The following INTS4 variants were observed in gnomAD, a reference collection of about 807,000 sequenced individuals.
The protein encoded by INTS4 is integrator complex subunit 4.
A neutral mutation model predicts 119.5 loss-of-function variants in INTS4; 70 were observed. The ratio of observed to expected loss-of-function variants is 0.59; its 90% CI spans 0.48 to 0.71. The LOEUF (loss-of-function observed/expected upper bound fraction) is 0.71. INTS4 is among the 30% of genes least tolerant of loss of function. The pLI is 0.00. For synonymous variants in INTS4, 316 were observed against 419.6 expected (o/e 0.75, Z 3.02); for missense variants, 867 against 1,173.2 (o/e 0.74, Z 3.81).
Position 77,881,048 on chromosome 11 carries a change from A to C in INTS4, c.2714-1921T>G, listed in dbSNP as rs760986399. 9.1e-4 allele frequency among the ~76,000 whole-genome samples: 138 copies of C among 152,334 alleles called. 1 individual carries two copies. The highest frequency in any genetic ancestry group is 1.7e-3 in the Non-Finnish European group (118 of 68,030). ...CATTCCCTTACCAACATTTGATAAG[A>C]ATGGCAATTCAAGGCAATGCCATAG... On this transcript the variant is annotated intron_variant, in intron 22 of 22. Coordinates refer to ENST00000534064, the MANE Select transcript of INTS4 (RefSeq NM_033547.4).
At chr11:77,958,662 T>G in intron 7 of INTS4, 84 bp downstream of exon 7, 1 of 784,232 alleles carries the variant, frequency 1.3e-6, no homozygotes, top group Non-Finnish European at 2.2e-6. Context: ...CAACATTTCT[T>G]TTCTAGAAGT....
intron 18 of INTS4, among the ~76,000 whole-genome samples, chr11:77,895,415 T>C (rs989011933): frequency 6.0e-5 from 9 of 150,638 alleles, no homozygotes; most frequent in Non-Finnish European, 1.2e-4. Flanking sequence ...ATATATTTCC[T>C]AGCACAGGCA....
intron 2 of INTS4, among the ~76,000 whole-genome samples, chr11:77,983,345 G>A (rs1856317425): frequency 6.6e-6 from 1 of 152,056 alleles, no homozygotes; most frequent in African/African-American, 2.4e-5. Context: ...GAACTCCTGG[G>A]CTCCTGCCTA....
intron 13 of INTS4, among the ~76,000 whole-genome samples, chr11:77,922,100 C>T (rs1307390160): frequency 1.3e-5 from 2 of 151,558 alleles, no homozygotes; most frequent in Non-Finnish European, 2.9e-5. Context: ...TGGTAGCGGG[C>T]GCCTATAATC....
At chr11:77,929,330 T>C (rs143870954) in intron 10 of INTS4, among the ~76,000 whole-genome samples, 2,290 of 152,256 alleles carry the variant, frequency 0.015, 55 homozygotes, top group African/African-American at 0.051. Context: ...CAGTTTCACA[T>C]ACCACCCACC....
intron 12 of INTS4, among the ~76,000 whole-genome samples, chr11:77,923,723 A>G (rs1350064484): frequency 6.6e-6 from 1 of 151,992 alleles, no homozygotes; most frequent in Non-Finnish European, 1.5e-5. Context: ...ACTATAAGGA[A>G]CTATAAAAGC....
At chr11:77,876,793 T>C (rs1018583114), downstream of INTS4, among the ~76,000 whole-genome samples, 2 of 152,226 alleles carry the variant, frequency 1.3e-5, no homozygotes, top group Non-Finnish European at 2.9e-5. Context: ...TCAAAGCCTC[T>C]GTTTCCTTAC....
chr11:77,898,181 T>C (rs1952613654), intron 18 of INTS4, among the ~76,000 whole-genome samples: 1 of 152,166 alleles, frequency 6.6e-6, no homozygotes, highest in Admixed American at 6.5e-5. Context: ...TATTATTATT[T>C]GAGACAGAGT....
chr11:77,895,976 C>T lies in INTS4; in HGVS notation c.2229-1627G>A, dbSNP rs1952500789. 2.6e-5 allele frequency among the ~76,000 whole-genome samples: 4 copies of T among 152,148 alleles called. 1 individual carries two copies. In the South Asian group the frequency reaches 8.3e-4, roughly 32 times the overall value. On this transcript the variant is annotated intron_variant, in intron 18 of 22. Transcript: ENST00000534064. Reference sequence around the variant, plus strand: ...AATTACCAATTTAAACTAGTCTAGACTTTCATTGTAAGTAGGCAAAGACAA... The same window carrying T: ...AATTACCAATTTAAACTAGTCTAGATTTTCATTGTAAGTAGGCAAAGACAA...
At position 77,932,751 on chromosome 11, in the gene INTS4, T is replaced by C. The variant is rs1282397022; in HGVS notation, c.1166-4204A>G. Among the ~76,000 whole-genome samples, 4 of 152,102 alleles carry C rather than the reference T, an allele frequency of 2.6e-5. No individual in the cohort carries two copies. In the East Asian group the frequency reaches 5.8e-4, roughly 22 times the overall value. On this transcript the variant is annotated intron_variant, in intron 10 of 22. Coordinates refer to ENST00000534064, the MANE Select transcript of INTS4 (RefSeq NM_033547.4). Reference sequence around the variant, plus strand: ...CTGGATAAAGAAAATGTGGCACATATACACCATGGAATACCACGCAGCCAT... The same window carrying C: ...CTGGATAAAGAAAATGTGGCACATACACACCATGGAATACCACGCAGCCAT...
intron 18 of INTS4, among the ~76,000 whole-genome samples, chr11:77,897,785 G>A (rs1303759678): frequency 6.6e-6 from 1 of 151,582 alleles, no homozygotes; most frequent in African/African-American, 2.4e-5. Flanking sequence ...GGTTACAGGC[G>A]TTAGCCACCG....
At chr11:77,953,759 T>G (rs1954251989) in intron 8 of INTS4, among the ~76,000 whole-genome samples, 1 of 152,130 alleles carries the variant, frequency 6.6e-6, no homozygotes, top group African/African-American at 2.4e-5. Context: ...AGTTTTTGTA[T>G]TTTTAGTAGA....
At chr11:77,972,121 A>AGGG (rs1565282811) in intron 4 of INTS4, among the ~76,000 whole-genome samples, 1 of 152,196 alleles carries the variant, frequency 6.6e-6, no homozygotes, top group Non-Finnish European at 1.5e-5. Context: ...TGTTAGAGAC[A>AGGG]GGGTCTTACT....
At chr11:77,936,462 A>C (rs1473198456) in intron 10 of INTS4, among the ~76,000 whole-genome samples, 1 of 152,114 alleles carries the variant, frequency 6.6e-6, no homozygotes, top group African/African-American at 2.4e-5. Context: ...GGCTCCCTGC[A>C]ACCTCTAACT....
intron 21 of INTS4, among the ~76,000 whole-genome samples, chr11:77,889,710 G>T (rs765818159): frequency 1.3e-5 from 2 of 152,176 alleles, no homozygotes; most frequent in Non-Finnish European, 2.9e-5. Flanking sequence ...TGGAACAGAG[G>T]AATGACTCCG....
chr11:77,966,222 T>C (rs764884343), intron 4 of INTS4, among the ~76,000 whole-genome samples: 11 of 152,224 alleles, frequency 7.2e-5, no homozygotes, highest in Non-Finnish European at 1.6e-4. Context: ...ATATATGGTT[T>C]ACACATTTTG....
intron 4 of INTS4, among the ~76,000 whole-genome samples, chr11:77,971,040 T>G (rs1366116362): frequency 6.6e-6 from 1 of 152,014 alleles, no homozygotes; most frequent in Non-Finnish European, 1.5e-5. Flanking sequence ...ACTCCTGATC[T>G]CAAGTGATCC....
chr11:77,912,688 G>C (rs1953116250), intron 15 of INTS4, among the ~76,000 whole-genome samples: 1 of 152,120 alleles, frequency 6.6e-6, no homozygotes, highest in Admixed American at 6.5e-5. Flanking sequence ...AAAAAGGAAT[G>C]TTAGGAAATA....
intron 22 of INTS4, 92 bp downstream of exon 22, chr11:77,883,740 T>C: frequency 7.5e-7 from 1 of 1,332,372 alleles, no homozygotes; most frequent in South Asian, 1.3e-5. Flanking sequence ...TTCATCCATG[T>C]ATTTTTTTCA....
Sources: gnomAD v4.1 joint callset for allele counts (sites outside exome capture counted in the v4.1 genomes callset) on GRCh38, gnomAD v4.1.1 for gene constraint, MANE v1.5 for transcripts, NCBI Gene and HGNC (gene_info 2026-07-23, HGNC 2026-07-21) for gene names.